Variants in NR6A1 observed in about 807,000 individuals in gnomAD.
NR6A1 encodes the protein nuclear receptor subfamily 6 group A member 1, also known as retinoic acid receptor-related testis-associated receptor.
Under a neutral mutation model 59.1 loss-of-function variants are expected in NR6A1, and 7 were observed. The observed-to-expected ratio is 0.12, with a 90% CI of 0.07 to 0.22. NR6A1 has a LOEUF of 0.22. NR6A1 is among the 10% of genes least tolerant of loss of function. NR6A1 has a pLI of 1.00. For missense variants in NR6A1, 468 were observed against 611.6 expected, an observed-to-expected ratio of 0.77 and a Z score of 2.48; for synonymous variants, 243 against 236.1, an observed-to-expected ratio of 1.03 and a Z score of -0.27.
At chr9:124,588,944 A>C (rs1213942351) in intron 2 of NR6A1, among the ~76,000 whole-genome samples, 19 of 151,386 alleles carry the variant, frequency 1.3e-4, no homozygotes, top group Non-Finnish European at 2.4e-4. Context: ...GAAAGAAAAA[A>C]AAAACAGTAT....
At chr9:124,650,122 A>G (rs1015544864) in intron 2 of NR6A1, among the ~76,000 whole-genome samples, 8 of 152,222 alleles carry the variant, frequency 5.3e-5, no homozygotes, top group African/African-American at 1.9e-4. Flanking sequence ...CGTATATCAA[A>G]GAGATATCTG....
At chr9:124,588,275 G>A (rs1588690027) in intron 2 of NR6A1, among the ~76,000 whole-genome samples, 1 of 152,046 alleles carries the variant, frequency 6.6e-6, no homozygotes, top group South Asian at 2.1e-4. Context: ...GGAGTGCTGA[G>A]AGAAAATTAA....
chr9:124,614,669 G>T (rs1004936138), intron 2 of NR6A1, among the ~76,000 whole-genome samples: 1 of 152,058 alleles, frequency 6.6e-6, no homozygotes, highest in Non-Finnish European at 1.5e-5. Flanking sequence ...ACAAAAGTCC[G>T]CCACTATATG....
chr9:124,681,257 T>G (rs549865408), intron 2 of NR6A1, among the ~76,000 whole-genome samples: 4 of 152,252 alleles, frequency 2.6e-5, no homozygotes, highest in South Asian at 4.2e-4. Flanking sequence ...CTGATGGATA[T>G]TTTCTTGAAA....
intron 1 of NR6A1, among the ~76,000 whole-genome samples, chr9:124,750,756 T>C (rs1323767611): frequency 6.6e-6 from 1 of 151,452 alleles, no homozygotes. Context: ...CGAAACTCCG[T>C]CTCAAAAAAA....
chr9:124,558,184 A>G (rs1588665139), intron 2 of NR6A1, among the ~76,000 whole-genome samples: 1 of 152,300 alleles, frequency 6.6e-6, no homozygotes, highest in East Asian at 1.9e-4. Flanking sequence ...AGAGCAAAGA[A>G]CCTACAGAAC....
At chr9:124,636,105 A>G (rs1836602994) in intron 2 of NR6A1, among the ~76,000 whole-genome samples, 1 of 152,234 alleles carries the variant, frequency 6.6e-6, no homozygotes, top group Non-Finnish European at 1.5e-5. Context: ...CTGATGACAT[A>G]TGACATGGAG....
chr9:124,544,470 C>T (rs537458730), intron 3 of NR6A1, among the ~76,000 whole-genome samples: 13 of 152,254 alleles, frequency 8.5e-5, no homozygotes, highest in African/African-American at 3.1e-4. Flanking sequence ...TTATGGAACA[C>T]TTAATACGGG....
intron 2 of NR6A1, among the ~76,000 whole-genome samples, chr9:124,680,311 G>A (rs1466011658): frequency 1.3e-5 from 2 of 152,078 alleles, no homozygotes. Context: ...AATGCCATGT[G>A]ATTTACTTCT....
chr9:124,641,707 G>C (rs762534078), intron 2 of NR6A1, among the ~76,000 whole-genome samples: 5 of 152,208 alleles, frequency 3.3e-5, no homozygotes, highest in Non-Finnish European at 7.3e-5. Context: ...AGAGGGGAGA[G>C]CTGTGGGAAA....
At chr9:124,715,578 A>G (rs183282811) in intron 2 of NR6A1, among the ~76,000 whole-genome samples, 13 of 152,224 alleles carry the variant, frequency 8.5e-5, no homozygotes, top group African/African-American at 2.9e-4. Context: ...AAGCAACCCA[A>G]TATTATTAAG....
At chr9:124,659,233 G>A (rs892265295) in intron 2 of NR6A1, among the ~76,000 whole-genome samples, 20 of 145,756 alleles carry the variant, frequency 1.4e-4, no homozygotes, top group African/African-American at 3.5e-4. Flanking sequence ...AGTCCTGGCC[G>A]TTCGATAGGC....
chr9:124,728,991 T>C (rs1447623755), intron 2 of NR6A1, among the ~76,000 whole-genome samples: 7 of 152,218 alleles, frequency 4.6e-5, no homozygotes, highest in South Asian at 2.1e-4. Context: ...AAACTTAATA[T>C]TGTAATTTGA....
chr9:124,663,315 G>T (rs1465704473), intron 2 of NR6A1, among the ~76,000 whole-genome samples: 1 of 152,144 alleles, frequency 6.6e-6, no homozygotes, highest in African/African-American at 2.4e-5. Context: ...AATTGGACGT[G>T]ATAAACATGC....
chr9:124,622,251 C>G (rs1836098707), intron 2 of NR6A1, among the ~76,000 whole-genome samples: 1 of 152,200 alleles, frequency 6.6e-6, no homozygotes, highest in Admixed American at 6.5e-5. Context: ...TTCCCACGCT[C>G]TTCTCCAGTT....
intron 4 of NR6A1, among the ~76,000 whole-genome samples, chr9:124,541,478 A>C (rs7865114): frequency 6.6e-6 from 1 of 152,104 alleles, no homozygotes; most frequent in African/African-American, 2.4e-5. Context: ...AACAACAACA[A>C]AAAAACCCCA....
intron 2 of NR6A1, among the ~76,000 whole-genome samples, chr9:124,657,622 A>G (rs899387984): frequency 6.6e-6 from 1 of 152,230 alleles, no homozygotes; most frequent in African/African-American, 2.4e-5. Flanking sequence ...AGTGGCTCAG[A>G]AAGATGGAAA....
intron 2 of NR6A1, among the ~76,000 whole-genome samples, chr9:124,654,713 A>AGT (rs1837199619): frequency 6.6e-6 from 1 of 151,950 alleles, no homozygotes; most frequent in Non-Finnish European, 1.5e-5. Flanking sequence ...CCATCACCAC[A>AGT]CTACCCTATT....
intron 2 of NR6A1, among the ~76,000 whole-genome samples, chr9:124,660,415 C>T (rs1018130875): frequency 1.3e-5 from 2 of 152,134 alleles, no homozygotes; most frequent in East Asian, 3.9e-4. Flanking sequence ...GCCGAGCAGA[C>T]GTTATTCACA....
Sources: gnomAD v4.1 joint callset for allele counts (sites outside exome capture counted in the v4.1 genomes callset) on GRCh38, gnomAD v4.1.1 for gene constraint, MANE v1.5 for transcripts, NCBI Gene and HGNC (gene_info 2026-07-23, HGNC 2026-07-21) for gene names.